ARHGEF16: variants seen among roughly 807,000 people sequenced by gnomAD.
ARHGEF16 encodes Rho guanine exchange factor (GEF) 16.
In ARHGEF16, 59 loss-of-function variants were observed where a neutral mutation model predicts 74.1. That is an observed-to-expected ratio of 0.80 (90% CI 0.65 to 0.99). The LOEUF is 0.99. Ranked by LOEUF, ARHGEF16 falls within the 50% of genes least tolerant of loss-of-function variation. ARHGEF16 has a pLI of 0.00. For synonymous variants in ARHGEF16, 415 were observed against 412.6 expected, an observed-to-expected ratio of 1.01 and a Z score of -0.07; for missense variants, 948 against 986.6, an observed-to-expected ratio of 0.96 and a Z score of 0.52.
In ARHGEF16 at chr1:3,473,222, G is replaced by A; in HGVS notation, c.1167G>A (p.Gln389=). 2 of 1,613,034 alleles carry A rather than the reference G, an allele frequency of 1.2e-6. No homozygotes were observed. Among genetic ancestry groups the A allele is most frequent in the Non-Finnish European group, 1.7e-6 (2 of 1,179,854 alleles). The change falls in exon 7 of 15, where the codon CAG becomes CAA. Residue 389 remains glutamine, a synonymous_variant. Transcript: ENST00000378378. ...SNEVYQQRTL[Q]KLISSNAAFR... is the part of the protein sequence containing the mutation. ...AGGTCTACCAACAGCGCACGCTGCA[G>A]AAGCTGATGTGAGTGGGCGGCCCCG...
chr1:3,477,469 G>C (rs962612196), intron 10 of ARHGEF16, among the ~76,000 whole-genome samples: 2 of 148,956 alleles, frequency 1.3e-5, no homozygotes, highest in Admixed American at 1.3e-4. Context: ...GGCCATCACG[G>C]GTGGGCCTGC....
intron 2 of ARHGEF16, 96 bp downstream of exon 2, chr1:3,463,768 C>A: frequency 1.8e-6 from 2 of 1,087,064 alleles, no homozygotes; most frequent in Non-Finnish European, 2.4e-6. Context: ...ATCATGGCAG[C>A]TGCCGTTAGT....
rs1639959023 is a variant in ARHGEF16, at chr1:3,478,505, G to C, written c.1707G>C (p.Leu569=). Residue 569 remains leucine (L), a synonymous_variant, in exon 12 of 15, where the codon CTG becomes CTC. Coordinates refer to ENST00000378378, the MANE Select transcript of ARHGEF16 (RefSeq NM_014448.4). ...VEKIEPSELP[L]PGGGNRSSSV... ...AGATAGAGCCGTCTGAGCTCCCTCT[G>C]CCCGGGGGCGGCAACCGTAGCTCCT... 1 of 1,612,548 alleles carries C rather than the reference G, an allele frequency of 6.2e-7. No individual in the cohort carries two copies. The highest frequency in any genetic ancestry group is 1.7e-5 in the Admixed American group (1 of 60,002).
rs761993984 is a variant in ARHGEF16, at chr1:3,473,111, C to T, written c.1056C>T (p.Ala352=). ...FFEDLEQRHK[A]QVLVEDISDI... ...AGGACCTGGAGCAGCGGCACAAGGCCCAGGTGCTGGTCGAGGACATCAGTG... is the reference window on the plus strand; with the variant it reads ...AGGACCTGGAGCAGCGGCACAAGGCTCAGGTGCTGGTCGAGGACATCAGTG... The change falls in exon 7 of 15, where the codon GCC becomes GCT. Residue 352 remains alanine, a synonymous_variant. Coordinates refer to ENST00000378378, the MANE Select transcript of ARHGEF16 (RefSeq NM_014448.4). 2.5e-6 allele frequency: 4 copies of T among 1,613,286 alleles called. No homozygotes were observed. The highest frequency in any genetic ancestry group is 2.7e-5 in the African/African-American group (2 of 74,948).
chr1:3,476,163 A>T, intron 10 of ARHGEF16, 101 bp downstream of exon 10: 1 of 1,273,176 alleles, frequency 7.9e-7, no homozygotes, highest in Non-Finnish European at 1.1e-6. Context: ...AGGGCTGGAG[A>T]GTGGGTGCCT....
chr1:3,470,410 G>C (rs1026403488), intron 6 of ARHGEF16, among the ~76,000 whole-genome samples: 1 of 151,438 alleles, frequency 6.6e-6, no homozygotes, highest in South Asian at 2.1e-4. Flanking sequence ...GGGCAGCAGT[G>C]TGTGTGCATG....
chr1:3,479,874 C>T lies in ARHGEF16; in HGVS notation c.1951C>T (p.Gln651Ter), dbSNP rs1406573310. Residue 651 changes from glutamine (Q) to a stop codon, truncating the protein, a stop_gained, in exon 14 of 15, where the codon CAG becomes TAG. Transcript: ENST00000378378. LOFTEE classifies it low-confidence loss of function (END_TRUNC). ...FAKQADEVTLQQADVVLVLQQ... is the reference protein window; with the variant it reads ...FAKQADEVTL ...GAAGCAAGCAGACGAGGTCACACTG[C>T]AGCAGGCGGACGTGGTCCTGGTTCT... 1 of 1,612,370 alleles carries T rather than the reference C, an allele frequency of 6.2e-7. No individual in the cohort carries two copies. The highest frequency in any genetic ancestry group is 8.5e-7 in the Non-Finnish European group (1 of 1,179,910).
Position 3,463,528 on chromosome 1 carries a change from C to T in ARHGEF16, c.444C>T (p.Asn148=). The change falls in exon 2 of 15, where the codon AAC becomes AAT. Residue 148 remains asparagine (N), a synonymous_variant. Transcript: ENST00000378378. ...DKDPGGMLRR[N]LRNQSYRAAM... ...ACCCCGGGGGCATGCTGAGGCGGAA[C>T]CTGCGGAACCAATCCTACCGGGCGG... is the stretch of plus-strand genomic sequence containing the variant. 1 of 1,473,124 alleles carries T rather than the reference C, an allele frequency of 6.8e-7. No individual in the cohort carries two copies. The allele number at this position is 1,473,124 out of a possible 1,614,324, so 91.3% of individuals were successfully genotyped here. A position where few individuals can be genotyped will look rare whatever the true frequency, so the allele number is the denominator to read the frequency against.
rs1036200187 is a variant in ARHGEF16 at position 3,454,807 on chromosome 1, C to G, written c.-24C>G. ...GCCCCTCCGTCCCTCCGCCCCGCGG[C>G]GCAGGTGAGCCTGGGGGACAGGTGA... On this transcript the variant is annotated 5_prime_UTR_variant, in exon 1 of 15. Coordinates refer to ENST00000378378, the MANE Select transcript of ARHGEF16 (RefSeq NM_014448.4). The G allele has an allele frequency of 1.7e-4, 26 of 152,508 alleles. No individual in the cohort carries two copies. Among genetic ancestry groups the G allele is most frequent in the African/African-American group, 6.3e-4 (26 of 41,428 alleles). 9.4% of individuals were successfully genotyped at this position (152,508 alleles called of 1,614,324 possible).
intron 1 of ARHGEF16, among the ~76,000 whole-genome samples, chr1:3,461,138 T>TA (rs1034294059): frequency 3.9e-5 from 6 of 152,238 alleles, no homozygotes; most frequent in Admixed American, 2.6e-4. Context: ...TCTGGGTGTA[T>TA]AGGAGGCATA....
intron 3 of ARHGEF16, among the ~76,000 whole-genome samples, chr1:3,466,582 T>C (rs1191284702): frequency 1.3e-5 from 2 of 152,102 alleles, no homozygotes; most frequent in Non-Finnish European, 2.9e-5. Context: ...AGGGGAGCCA[T>C]GTGTTGGGGC....
Position 3,479,368 on chromosome 1 carries a change from G to T in ARHGEF16, c.1815-149G>T, listed in dbSNP as rs1639989862. The T allele has an allele frequency of 2.2e-5, 19 of 867,778 alleles. No homozygotes were observed. In the South Asian group the frequency reaches 3.1e-4, roughly 14 times the overall value. 53.8% of individuals were successfully genotyped at this position (867,778 alleles called of 1,614,324 possible). On this transcript the variant is annotated intron_variant, in intron 12 of 14. Coordinates refer to ENST00000378378, the MANE Select transcript of ARHGEF16 (RefSeq NM_014448.4). ...GCTGGGGTGACTTGGGGGTTAGCCT[G>T]CCTGGCACAGTCTGCCCAGCCACTC...
At position 3,473,437 on chromosome 1, in the gene ARHGEF16, G is replaced by A. The variant is rs1639794222; in HGVS notation, c.1220G>A (p.Arg407Lys). 2 of 1,612,452 alleles carry A rather than the reference G, an allele frequency of 1.2e-6. No homozygotes were observed. The highest frequency in any genetic ancestry group is 8.5e-7 in the Non-Finnish European group (1 of 1,179,852). ...CGAGAGGCCCTGAGAGAGATTGAGA[G>A]GCGGCCGGCGTGCGGGGGCCTGCCC... ...AFREALREIE[R>K]RPACGGLPML... Residue 407 changes from arginine (R) to lysine (K), a missense_variant, in exon 8 of 15, where the codon AGG becomes AAG. By Grantham distance (26) the Arg-to-Lys change is conservative. Transcript: ENST00000378378.
At chr1:3,471,203 G>A (rs555721936) in intron 6 of ARHGEF16, among the ~76,000 whole-genome samples, 3 of 152,078 alleles carry the variant, frequency 2.0e-5, no homozygotes, top group South Asian at 2.1e-4. Flanking sequence ...GGAGGACCCC[G>A]GAGCATCGAG....
chr1:3,472,392 G>A (rs899558639), intron 6 of ARHGEF16, among the ~76,000 whole-genome samples: 1 of 152,218 alleles, frequency 6.6e-6, no homozygotes, highest in African/African-American at 2.4e-5. Context: ...ATGGGGAGGT[G>A]AGGGGCTGGT....
At chr1:3,474,854 A>ATG in intron 9 of ARHGEF16, 72 bp downstream of exon 9, 1 of 1,306,892 alleles carries the variant, frequency 7.7e-7, no homozygotes, top group Non-Finnish European at 1.1e-6. Context: ...ACCCCACCCT[A>ATG]CCCGATGGCA....
rs528071734 is a variant in ARHGEF16, at chr1:3,463,981, C to T, written c.588+309C>T. On this transcript the variant is annotated intron_variant, in intron 2 of 14. Coordinates refer to ENST00000378378, the MANE Select transcript of ARHGEF16 (RefSeq NM_014448.4). ...AGGGCCCAGTCCCTGTTTCCGAGCT[C>T]TGGACAGGAGCCGGCCTGCCTGGAT... Among the ~76,000 whole-genome samples, 5 of 152,352 alleles carry T rather than the reference C, an allele frequency of 3.3e-5. No homozygotes were observed. The South Asian group carries it at 8.3e-4, about 25-fold the overall frequency.
At chr1:3,455,549 G>A (rs1639248719) in intron 1 of ARHGEF16, among the ~76,000 whole-genome samples, 1 of 152,184 alleles carries the variant, frequency 6.6e-6, no homozygotes. Context: ...GCAGGTGGGG[G>A]GACTGAGGGA....
chr1:3,473,926 G>A, intron 8 of ARHGEF16: 1 of 297,214 alleles, frequency 3.4e-6, no homozygotes, highest in Non-Finnish European at 6.4e-6. Context: ...GAGGGGCTCA[G>A]AGAGGCTCAC....
Sources: allele counts gnomAD v4.1 joint callset (sites outside exome capture counted in the v4.1 genomes callset), GRCh38; gene constraint gnomAD v4.1.1; transcripts MANE v1.5; gene names NCBI Gene and HGNC (gene_info 2026-07-23, HGNC 2026-07-21).